SLC17A1: variants seen among roughly 807,000 people sequenced by gnomAD.
SLC17A1 encodes sodium-dependent phosphate transport protein 1.
A neutral mutation model predicts 53.5 loss-of-function variants in SLC17A1; 51 were observed. That is an observed-to-expected ratio of 0.95 (90% CI 0.76 to 1.20). The LOEUF (loss-of-function observed/expected upper bound fraction) is 1.20. Ranked by LOEUF, SLC17A1 falls within the 50% of genes most tolerant of loss-of-function variation. SLC17A1 has a pLI of 0.00. For missense variants in SLC17A1, 538 were observed against 568.2 expected (o/e 0.95, Z 0.54); for synonymous variants, 179 against 198.8 (o/e 0.90, Z 0.84).
intron 10 of SLC17A1, among the ~76,000 whole-genome samples, chr6:25,803,645 G>A (rs1763858738): frequency 6.6e-6 from 1 of 151,974 alleles, no homozygotes; most frequent in Non-Finnish European, 1.5e-5. Flanking sequence ...TCAGACCAGT[G>A]GTGAGATTTT....
the SLC17A1 span, chr6:25,726,460 C>G: frequency 1.2e-6 from 2 of 1,613,986 alleles, no homozygotes; most frequent in Non-Finnish European, 1.7e-6. Flanking sequence ...AAACTGCAAA[C>G]CCGCTCTAGA....
At chr6:25,776,133 T>C in the SLC17A1 span, among the ~76,000 whole-genome samples, 3 of 146,380 alleles carry the variant, frequency 2.0e-5, no homozygotes, top group African/African-American at 7.3e-5. Flanking sequence ...TCCACAGTGT[T>C]AGCACAGAGC....
chr6:25,828,092 A>G (rs1408810422), intron 2 of SLC17A1, among the ~76,000 whole-genome samples: 3 of 152,172 alleles, frequency 2.0e-5, no homozygotes, highest in Non-Finnish European at 4.4e-5. Context: ...ATATGCCCCT[A>G]ACACTTTTAC....
chr6:25,803,708 T>C (rs953993847), intron 10 of SLC17A1, among the ~76,000 whole-genome samples: 2 of 152,156 alleles, frequency 1.3e-5, no homozygotes, highest in African/African-American at 4.8e-5. Context: ...AAGGTAAATA[T>C]GATTAACTGG....
Position 25,819,931 on chromosome 6 carries a change from G to A in SLC17A1, c.208-16C>T, listed in dbSNP as rs764265666. ...ACATAGGGTTCTAAAAGACAAGGGG[G>A]GACATGTCGAATCACTCTGCATATC... is the stretch of plus-strand genomic sequence containing the variant. On this transcript the variant is annotated splice_polypyrimidine_tract_variant and intron_variant, in intron 3 of 12. Transcript: ENST00000244527. 3.9e-6 allele frequency: 6 copies of A among 1,528,930 alleles called. No homozygotes were observed. In the South Asian group the frequency reaches 7.1e-5, roughly 18 times the overall value. The allele number at this position is 1,528,930 out of a possible 1,614,324, so 94.7% of individuals were successfully genotyped here.
the SLC17A1 span, among the ~76,000 whole-genome samples, chr6:25,764,755 G>A: frequency 6.6e-6 from 1 of 152,180 alleles, no homozygotes; most frequent in Non-Finnish European, 1.5e-5. Context: ...TGGGTGAAGC[G>A]TGCATGGGTC....
chr6:25,791,735 A>C (rs1273784626), intron 12 of SLC17A1, among the ~76,000 whole-genome samples: 1 of 152,224 alleles, frequency 6.6e-6, no homozygotes, highest in African/African-American at 2.4e-5. Flanking sequence ...TAACACAGAA[A>C]ATTTTAAAGG....
chr6:25,755,465 C>T, the SLC17A1 span, among the ~76,000 whole-genome samples: 3 of 152,174 alleles, frequency 2.0e-5, no homozygotes, highest in Non-Finnish European at 4.4e-5. Context: ...GTTAATAGCT[C>T]TGCCCAGCAC....
intron 8 of SLC17A1, 140 bp from the exon 9 acceptor site, chr6:25,811,910 C>T: frequency 1.2e-6 from 1 of 866,272 alleles, no homozygotes; most frequent in Non-Finnish European, 1.8e-6. Context: ...AACAGAATTA[C>T]TGCTGGGACC....
the SLC17A1 span, chr6:25,776,825 A>G: frequency 8.1e-6 from 13 of 1,613,944 alleles, no homozygotes; most frequent in Non-Finnish European, 1.1e-5. Flanking sequence ...TTCTCTTCCC[A>G]TCCGTGATCC....
chr6:25,807,473 T>C (rs1487612000), intron 10 of SLC17A1, among the ~76,000 whole-genome samples: 1 of 151,962 alleles, frequency 6.6e-6, no homozygotes, highest in Non-Finnish European at 1.5e-5. Flanking sequence ...AAAATTATTA[T>C]TTCAATAATT....
the SLC17A1 span, among the ~76,000 whole-genome samples, chr6:25,748,576 A>G: frequency 1.3e-5 from 2 of 152,230 alleles, no homozygotes; most frequent in Non-Finnish European, 2.9e-5. Flanking sequence ...GACAAAGTAT[A>G]GAGAAAGAAC....
chr6:25,799,153 T>C (rs538199991), intron 11 of SLC17A1, among the ~76,000 whole-genome samples: 2 of 152,268 alleles, frequency 1.3e-5, no homozygotes, highest in East Asian at 3.9e-4. Context: ...AGTTTACTAG[T>C]TTCTTATAGT....
At chr6:25,821,451 A>C (rs1392653181) in intron 3 of SLC17A1, among the ~76,000 whole-genome samples, 1 of 152,220 alleles carries the variant, frequency 6.6e-6, no homozygotes, top group African/African-American at 2.4e-5. Context: ...GAGGCTACAC[A>C]GAAGATGAAG....
At chr6:25,743,949 G>A in the SLC17A1 span, among the ~76,000 whole-genome samples, 3 of 152,168 alleles carry the variant, frequency 2.0e-5, no homozygotes, top group African/African-American at 7.2e-5. Flanking sequence ...AGTTTCCCAA[G>A]GAGAAGAATA....
chr6:25,775,924 G>A, the SLC17A1 span, among the ~76,000 whole-genome samples: 7 of 152,140 alleles, frequency 4.6e-5, no homozygotes, highest in Admixed American at 1.3e-4. Flanking sequence ...TTGCTGAGCA[G>A]TATTTGGATT....
chr6:25,744,572 G>A, the SLC17A1 span, among the ~76,000 whole-genome samples: 1 of 152,042 alleles, frequency 6.6e-6, no homozygotes, highest in East Asian at 1.9e-4. Flanking sequence ...ATTTAGAAAG[G>A]TGAAAATACA....
chr6:25,777,147 G>GT, the SLC17A1 span: 3 of 640,200 alleles, frequency 4.7e-6, no homozygotes, highest in Non-Finnish European at 7.6e-6. Flanking sequence ...TGTGAACTTA[G>GT]TTTTTCTGGG....
At chr6:25,801,097 C>T in intron 10 of SLC17A1, 117 bp from the exon 11 acceptor site, 2 of 640,960 alleles carry the variant, frequency 3.1e-6, no homozygotes, top group Non-Finnish European at 2.8e-6. Context: ...TCCTGCTTCT[C>T]AAATTCCATT....
Sources: allele counts gnomAD v4.1 joint callset (sites outside exome capture counted in the v4.1 genomes callset), GRCh38; gene constraint gnomAD v4.1.1; transcripts MANE v1.5; gene names NCBI Gene and HGNC (gene_info 2026-07-23, HGNC 2026-07-21).